The following CORIN variants were observed in gnomAD, a reference collection of about 807,000 sequenced individuals.
CORIN encodes the protein corin, serine peptidase, also known as atrial natriuretic peptide-converting enzyme.
CORIN carries 117 observed loss-of-function variants against 125.3 expected under a neutral mutation model. The observed-to-expected ratio is 0.93, with a 90% CI of 0.80 to 1.09. The LOEUF is 1.09. Ranked by LOEUF, CORIN falls within the 50% of genes least tolerant of loss-of-function variation. The probability of loss-of-function intolerance (pLI) is 0.00; values close to 1 mark genes in which losing one functional copy is unlikely to be tolerated. For missense variants in CORIN, 1,253 were observed against 1,306.7 expected (o/e 0.96, Z 0.63); for synonymous variants, 450 against 466.4 (o/e 0.96, Z 0.45).
chr4:47,718,260 A>C (rs1261421125), intron 5 of CORIN, among the ~76,000 whole-genome samples: 1 of 152,226 alleles, frequency 6.6e-6, no homozygotes. Context: ...TTACCATGTG[A>C]AAGGTTGGAT....
At position 47,665,096 on chromosome 4, in the gene CORIN, A is replaced by G. The variant is rs747297891; in HGVS notation, c.1525T>C (p.Phe509Leu). ...QTNCYKYLMF[F>L]SCTILVPKCD... is the part of the protein sequence containing the mutation. ...TTTGGTACCAAAATGGTGCAAGAAA[A>G]GAACATGAGGTATTTATAACAGTTG... is the stretch of plus-strand genomic sequence containing the variant. The change falls in exon 11 of 22, where the codon TTT (phenylalanine) becomes CTT (leucine). Residue 509 changes from phenylalanine (F) to leucine (L), a missense_variant. By Grantham distance (22) the Phe-to-Leu change is conservative. Transcript: ENST00000273857. The G allele has an allele frequency of 5.6e-6, 9 of 1,613,728 alleles. No homozygotes were observed. Among genetic ancestry groups the G allele is most frequent in the Non-Finnish European group, 3.4e-6 (4 of 1,179,820 alleles).
At chr4:47,820,074 CCTCCCCTCCCGACA>C (rs1321085613) in intron 1 of CORIN, among the ~76,000 whole-genome samples, 1 of 152,158 alleles carries the variant, frequency 6.6e-6, no homozygotes, top group Non-Finnish European at 1.5e-5. Context: ...GTGTCACTTT[CCTCCCCTCCCGACA>C]CATTCTTCTT....
chr4:47,696,713 C>A (rs1264082854), intron 5 of CORIN, among the ~76,000 whole-genome samples: 1 of 152,062 alleles, frequency 6.6e-6, no homozygotes, highest in Non-Finnish European at 1.5e-5. Flanking sequence ...GAGTACATAC[C>A]CAAAGGATGA....
intron 13 of CORIN, among the ~76,000 whole-genome samples, chr4:47,649,872 A>G (rs112238547): frequency 2.0e-5 from 3 of 152,374 alleles, no homozygotes; most frequent in African/African-American, 7.2e-5. Context: ...TATGGACATA[A>G]TGACTCTCAC....
chr4:47,828,815 T>G (rs1194022452), intron 1 of CORIN, among the ~76,000 whole-genome samples: 1 of 151,940 alleles, frequency 6.6e-6, no homozygotes. Context: ...TGTAGCTCAT[T>G]TGAATGGAGA....
chr4:47,766,312 C>T lies in CORIN; in HGVS notation c.410-2726G>A, dbSNP rs534498014. Among the ~76,000 whole-genome samples the T allele has an allele frequency of 3.4e-4, 52 of 152,272 alleles. 1 individual carries two copies. The South Asian group carries it at 0.01, about 30-fold the overall frequency. On this transcript the variant is annotated intron_variant, in intron 3 of 21. Transcript: ENST00000273857. ...GATCCCGTGGTGCCAGAAACATAGG[C>T]TCTTTATGTAGCCCTAACTTCATGG...
intron 5 of CORIN, among the ~76,000 whole-genome samples, chr4:47,732,893 T>G (rs1260446512): frequency 2.0e-5 from 3 of 151,996 alleles, no homozygotes; most frequent in African/African-American, 7.2e-5. Flanking sequence ...CCTGTTTCCC[T>G]TCCCACTCCC....
At chr4:47,757,889 T>TATATATAC (rs1729247762) in intron 4 of CORIN, among the ~76,000 whole-genome samples, 2 of 143,786 alleles carry the variant, frequency 1.4e-5, no homozygotes, top group African/African-American at 5.1e-5. Context: ...TATATATATA[T>TATATATAC]ATATATATAT....
intron 5 of CORIN, among the ~76,000 whole-genome samples, chr4:47,696,507 A>G (rs903501530): frequency 3.3e-5 from 5 of 152,224 alleles, no homozygotes; most frequent in Non-Finnish European, 7.3e-5. Context: ...ATTGATCATC[A>G]TCTGATGAAG....
intron 4 of CORIN, among the ~76,000 whole-genome samples, chr4:47,751,427 T>C (rs1255196279): frequency 1.3e-5 from 2 of 152,206 alleles, no homozygotes; most frequent in African/African-American, 4.8e-5. Context: ...CCAATATTAC[T>C]TCCTAAAAAT....
intron 8 of CORIN, among the ~76,000 whole-genome samples, chr4:47,678,750 T>C (rs1256583920): frequency 6.6e-6 from 1 of 152,212 alleles, no homozygotes; most frequent in Admixed American, 6.5e-5. Context: ...CCATGGATCA[T>C]GTGACCTCAG....
At chr4:47,800,063 G>A (rs1387513842) in intron 2 of CORIN, among the ~76,000 whole-genome samples, 1 of 152,126 alleles carries the variant, frequency 6.6e-6, no homozygotes, top group Non-Finnish European at 1.5e-5. Flanking sequence ...AAATAGATTA[G>A]TGGCTGCTTG....
At chr4:47,640,989 A>G (rs10212847) in intron 16 of CORIN, among the ~76,000 whole-genome samples, 39,788 of 151,996 alleles carry the variant, frequency 0.26, 5,439 homozygotes, top group Admixed American at 0.36. Flanking sequence ...AAAGTTTAAA[A>G]TTCCTTTATT....
At chr4:47,825,697 CTTTT>C (rs759495221) in intron 1 of CORIN, among the ~76,000 whole-genome samples, 2 of 134,792 alleles carry the variant, frequency 1.5e-5, no homozygotes, top group Non-Finnish European at 1.6e-5. Flanking sequence ...CAAACCACTG[CTTTT>C]TTTTTTTTTT....
intron 13 of CORIN, among the ~76,000 whole-genome samples, chr4:47,647,537 A>G (rs1723543325): frequency 6.6e-6 from 1 of 152,188 alleles, no homozygotes; most frequent in South Asian, 2.1e-4. Context: ...AATGATGATA[A>G]TGAGATAACA....
chr4:47,698,462 T>C (rs1280264809), intron 5 of CORIN, among the ~76,000 whole-genome samples: 1 of 150,966 alleles, frequency 6.6e-6, no homozygotes, highest in Non-Finnish European at 1.5e-5. Context: ...GTGGCTAGAG[T>C]AGCATGAGCA....
At chr4:47,732,082 A>C (rs1376213062) in intron 5 of CORIN, among the ~76,000 whole-genome samples, 2 of 152,202 alleles carry the variant, frequency 1.3e-5, no homozygotes, top group African/African-American at 4.8e-5. Context: ...AAGAATCATC[A>C]GTGCATATGT....
rs115015235 is a variant in CORIN, at chr4:47,763,919, C to T, written c.410-333G>A. On this transcript the variant is annotated intron_variant, in intron 3 of 21. Transcript: ENST00000273857. ...ATATGTATCCAAAAAAATCTTTTCA[C>T]CATGCATATTCTTTGACATTATCAA... Among the ~76,000 whole-genome samples, 223 of 151,878 alleles carry T rather than the reference C, an allele frequency of 1.5e-3. 1 individual carries two copies. The highest frequency in any genetic ancestry group is 5.2e-3 in the African/African-American group (214 of 41,414).
At chr4:47,827,689 C>T (rs933879742) in intron 1 of CORIN, among the ~76,000 whole-genome samples, 1 of 152,180 alleles carries the variant, frequency 6.6e-6, no homozygotes. Context: ...ATTCTGAGCA[C>T]ATTTTTATTA....
Sources: gnomAD v4.1 joint callset for allele counts (sites outside exome capture counted in the v4.1 genomes callset) on GRCh38, gnomAD v4.1.1 for gene constraint, MANE v1.5 for transcripts, NCBI Gene and HGNC (gene_info 2026-07-23, HGNC 2026-07-21) for gene names.